Variants in SCN11A observed in about 807,000 individuals in gnomAD.
SCN11A encodes sodium voltage-gated channel alpha subunit 11.
SCN11A carries 122 observed loss-of-function variants against 162.2 expected under a neutral mutation model. The observed-to-expected ratio is 0.75, with a 90% CI of 0.65 to 0.87. The LOEUF (loss-of-function observed/expected upper bound fraction) is 0.87, where lower values mean the gene tolerates loss of function less well. SCN11A is among the 40% of genes least tolerant of loss of function. SCN11A has a pLI of 0.00. For missense variants in SCN11A, 2,015 were observed against 2,181.6 expected, an observed-to-expected ratio of 0.92 and a Z score of 1.52; for synonymous variants, 758 against 751.5, an observed-to-expected ratio of 1.01 and a Z score of -0.14.
intron 20 of SCN11A, among the ~76,000 whole-genome samples, 169 bp downstream of exon 20, chr3:38,885,956 C>T (rs1266804705): frequency 6.6e-6 from 1 of 152,198 alleles, no homozygotes; most frequent in Non-Finnish European, 1.5e-5. Flanking sequence ...AATTGTCCTG[C>T]TTCAAATGTC....
At chr3:38,952,166 G>C (rs141561894) in intron 4 of SCN11A, among the ~76,000 whole-genome samples, 1 of 152,096 alleles carries the variant, frequency 6.6e-6, no homozygotes, top group Non-Finnish European at 1.5e-5. Flanking sequence ...CACTCACCGC[G>C]AGAGTCCGAG....
chr3:38,853,738 C>T (rs999861971), intron 28 of SCN11A, among the ~76,000 whole-genome samples: 9 of 152,154 alleles, frequency 5.9e-5, no homozygotes, highest in African/African-American at 1.7e-4. Flanking sequence ...TGCATGCTTC[C>T]GATTGCAAGC....
chr3:38,916,007 T>TA lies in SCN11A; in HGVS notation c.959+3927dup, dbSNP rs545756033. ...CTCCTGTCTTGGGCGCATATACCTTTAGATTAGTTAGGTCTTCTTGTTGAA... is the reference window on the plus strand; with the variant it reads ...CTCCTGTCTTGGGCGCATATACCTTTAAGATTAGTTAGGTCTTCTTGTTGAA... On this transcript the variant is annotated intron_variant, in intron 11 of 29. Coordinates refer to ENST00000302328, the MANE Select transcript of SCN11A (RefSeq NM_001349253.2). Among the ~76,000 whole-genome samples the TA allele has an allele frequency of 1.8e-4, 28 of 152,334 alleles. No individual in the cohort carries two copies. In the South Asian group the frequency reaches 5.8e-3, roughly 32 times the overall value.
intron 1 of SCN11A, among the ~76,000 whole-genome samples, chr3:39,045,263 G>C (rs959443527): frequency 1.3e-5 from 2 of 152,094 alleles, no homozygotes; most frequent in African/African-American, 4.8e-5. Flanking sequence ...AAAAATTGAA[G>C]GGGAGGGAAT....
Position 38,908,028 on chromosome 3 carries a change from T to C in SCN11A, c.1394A>G (p.Lys465Arg). ...PKKRKLFGNKKRKSFFLRESG... is the reference protein window; with the variant it reads ...PKKRKLFGNKRRKSFFLRESG... The stretch of plus-strand genomic sequence containing the variant: ...CTCTCTCAAAAAGAAGGACTTCCTT[T>C]TCTTATTACCAAAGAGCTTTCTCTT... Residue 465 changes from lysine to arginine, a missense_variant, in exon 14 of 30, where the codon AAA (lysine) becomes AGA (arginine). By Grantham distance (26) the Lys-to-Arg change is conservative. Transcript: ENST00000302328. The C allele has an allele frequency of 6.2e-7, 1 of 1,613,828 alleles. No homozygotes were observed. Among genetic ancestry groups the C allele is most frequent in the Non-Finnish European group, 8.5e-7 (1 of 1,179,922 alleles).
At chr3:38,891,291 A>G (rs1345050065) in intron 19 of SCN11A, among the ~76,000 whole-genome samples, 3 of 152,160 alleles carry the variant, frequency 2.0e-5, no homozygotes, top group Admixed American at 6.5e-5. Flanking sequence ...AGAGAGACCA[A>G]CAGTACATTT....
At chr3:39,036,780 A>G (rs112951857) in intron 1 of SCN11A, among the ~76,000 whole-genome samples, 15,781 of 152,186 alleles carry the variant, frequency 0.1, 1,041 homozygotes, top group East Asian at 0.22. Flanking sequence ...GATCAAAACT[A>G]TATTATCTCA....
intron 23 of SCN11A, among the ~76,000 whole-genome samples, chr3:38,874,269 A>G (rs557660743): frequency 4.0e-4 from 61 of 152,132 alleles, no homozygotes; most frequent in African/African-American, 1.5e-3. Flanking sequence ...GCATTTTCCT[A>G]TATCCTTCTA....
intron 2 of SCN11A, among the ~76,000 whole-genome samples, chr3:38,996,086 G>A (rs1030676238): frequency 6.6e-6 from 1 of 152,170 alleles, no homozygotes; most frequent in Admixed American, 6.5e-5. Flanking sequence ...GATAGGAAGA[G>A]GGCCCTCACC....
At chr3:38,985,362 C>T (rs975633341) in intron 2 of SCN11A, among the ~76,000 whole-genome samples, 1 of 150,518 alleles carries the variant, frequency 6.6e-6, no homozygotes, top group South Asian at 2.1e-4. Context: ...GATCTCCTGA[C>T]CTCGTGATCC....
At chr3:38,976,893 T>C (rs1190079319) in intron 2 of SCN11A, among the ~76,000 whole-genome samples, 1 of 152,188 alleles carries the variant, frequency 6.6e-6, no homozygotes, top group East Asian at 1.9e-4. Context: ...ATGACAGACA[T>C]TTTACTTAAT....
intron 1 of SCN11A, among the ~76,000 whole-genome samples, chr3:39,048,995 G>T (rs1196403813): frequency 6.6e-6 from 1 of 152,228 alleles, no homozygotes; most frequent in Non-Finnish European, 1.5e-5. Context: ...CAGCTGATGT[G>T]AAGTGGATAG....
intron 23 of SCN11A, among the ~76,000 whole-genome samples, chr3:38,875,356 A>G (rs915885370): frequency 2.6e-5 from 4 of 152,142 alleles, no homozygotes; most frequent in African/African-American, 4.8e-5. Flanking sequence ...TCTTTGTAAC[A>G]ATTTGAATAA....
At chr3:38,924,773 T>C (rs1417281169) in intron 9 of SCN11A, among the ~76,000 whole-genome samples, 1 of 152,106 alleles carries the variant, frequency 6.6e-6, no homozygotes, top group Non-Finnish European at 1.5e-5. Context: ...CCTCCCAAAG[T>C]GCTAGAATTA....
At chr3:38,902,580 C>T (rs1160925110) in intron 16 of SCN11A, among the ~76,000 whole-genome samples, 10 of 151,212 alleles carry the variant, frequency 6.6e-5, no homozygotes, top group African/African-American at 1.7e-4. Context: ...TGCAGTGGCA[C>T]GATCTCGGCT....
At chr3:39,045,856 ACT>A (rs2032169155) in intron 1 of SCN11A, among the ~76,000 whole-genome samples, 1 of 152,240 alleles carries the variant, frequency 6.6e-6, no homozygotes, top group Admixed American at 6.5e-5. Flanking sequence ...TCAAATTGTC[ACT>A]GTTTGCAGAT....
intron 26 of SCN11A, among the ~76,000 whole-genome samples, chr3:38,868,407 G>A (rs542175304): frequency 7.2e-5 from 11 of 152,326 alleles, no homozygotes; most frequent in South Asian, 6.2e-4. Context: ...CAGAAACAAC[G>A]TAATGGAAAG....
At chr3:38,896,808 CTT>C (rs5848481) in intron 18 of SCN11A, 35 bp downstream of exon 18, 122 of 1,124,942 alleles carry the variant, frequency 1.1e-4, no homozygotes, top group South Asian at 3.9e-4. Context: ...CATGTAGGAT[CTT>C]TTTTTTTTTT....
intron 28 of SCN11A, among the ~76,000 whole-genome samples, chr3:38,853,880 A>C (rs1160547909): frequency 6.6e-6 from 1 of 152,168 alleles, no homozygotes; most frequent in East Asian, 1.9e-4. Context: ...CAATGCTCTA[A>C]AGTATGTATA....
Sources: allele counts gnomAD v4.1 joint callset (sites outside exome capture counted in the v4.1 genomes callset), GRCh38; gene constraint gnomAD v4.1.1; transcripts MANE v1.5; gene names NCBI Gene and HGNC (gene_info 2026-07-23, HGNC 2026-07-21).